The following FZR1 variants were observed in gnomAD, a reference collection of about 807,000 sequenced individuals.
FZR1 encodes fizzy and cell division cycle 20 related 1, also known as fizzy-related protein homolog.
A neutral mutation model predicts 63.6 loss-of-function variants in FZR1; 11 were observed. The ratio of observed to expected loss-of-function variants is 0.17; its 90% confidence interval spans 0.11 to 0.29. FZR1 has a LOEUF of 0.29. Ranked by LOEUF, FZR1 falls within the 10% of genes least tolerant of loss-of-function variation. FZR1 has a pLI of 1.00. For missense variants in FZR1, 440 were observed against 687.5 expected (o/e 0.64, Z 4.03); for synonymous variants, 328 against 297.9 (o/e 1.10, Z -1.04).
intron 1 of FZR1, among the ~76,000 whole-genome samples, chr19:3,518,867 A>G (rs868590204): frequency 2.4e-4 from 36 of 152,220 alleles, no homozygotes; most frequent in African/African-American, 7.2e-4. Flanking sequence ...CCCTGTCTCC[A>G]TAAAAAAAAG....
Position 3,526,834 on chromosome 19 carries a change from G to A in FZR1, c.388-146G>A, listed in dbSNP as rs2083163540. 10 of 635,602 alleles carry A rather than the reference G, an allele frequency of 1.6e-5. No homozygotes were observed. Among genetic ancestry groups the A allele is most frequent in the Non-Finnish European group, 2.5e-5 (9 of 358,244 alleles). 39.4% of individuals were successfully genotyped at this position (635,602 alleles called of 1,614,324 possible). ...GGGGTCCGCAGTCCCCGCCAGGAAGGCGCCTGCCTTTTTACAGCTGCTCCA... is the reference window on the plus strand; with the variant it reads ...GGGGTCCGCAGTCCCCGCCAGGAAGACGCCTGCCTTTTTACAGCTGCTCCA... On this transcript the variant is annotated intron_variant, in intron 5 of 13. Transcript: ENST00000441788. The surrounding 1 kb of genome is among the most constrained non-coding windows in gnomAD (Gnocchi z 5.4).
intron 1 of FZR1, among the ~76,000 whole-genome samples, chr19:3,519,884 C>T (rs1271935014): frequency 6.6e-6 from 1 of 152,170 alleles, no homozygotes; most frequent in Non-Finnish European, 1.5e-5. Flanking sequence ...GGGGGCCCCA[C>T]ACCCACAGCT....
chr19:3,527,288 T>G (rs1406942159), intron 6 of FZR1, among the ~76,000 whole-genome samples: 2 of 152,018 alleles, frequency 1.3e-5, no homozygotes, highest in Non-Finnish European at 2.9e-5. Context: ...GTAATAGAAG[T>G]GTAGTCCAGG....
rs1383890088 is a variant in FZR1, at chr19:3,526,921, G to T, written c.388-59G>T. The T allele has an allele frequency of 4.2e-6, 5 of 1,181,474 alleles. No individual in the cohort carries two copies. Among genetic ancestry groups the T allele is most frequent in the African/African-American group, 1.5e-5 (1 of 66,828 alleles). 73.2% of individuals were successfully genotyped at this position (1,181,474 alleles called of 1,614,324 possible). ...GTACCGGGAGCGTGGGCTGCTGGGG[G>T]GCTCTGAGGGTCCTGCGGCCTGGGC... On this transcript the variant is annotated intron_variant, in intron 5 of 13. Transcript: ENST00000441788. This position sits in a 1 kb window ranked among gnomAD's most constrained non-coding sequence, Gnocchi z 5.4.
At position 3,513,980 on chromosome 19, in the gene FZR1, GA is replaced by G. The variant is rs1374445523; in HGVS notation, c.-35+7507del. Reference sequence around the variant, plus strand: ...CTGAAAAAAATATGAAAACAGTGGGGACCAGTTTTCCCAGCCAAGCAAGGCG... The same window carrying G: ...CTGAAAAAAATATGAAAACAGTGGGGCCAGTTTTCCCAGCCAAGCAAGGCG... On this transcript the variant is annotated intron_variant, in intron 1 of 13. Transcript: ENST00000441788. 2.0e-5 allele frequency among the ~76,000 whole-genome samples: 3 copies of G among 152,298 alleles called. No homozygotes were observed. In the East Asian group the frequency reaches 5.8e-4, roughly 29 times the overall value.
intron 13 of FZR1, 86 bp from the exon 14 acceptor site, chr19:3,534,709 C>A: frequency 1.6e-6 from 2 of 1,270,974 alleles, no homozygotes; most frequent in Non-Finnish European, 2.3e-6. Context: ...CCCTCAGGAC[C>A]AAGCCCCAAA....
rs750269061 is a variant in FZR1, at chr19:3,534,888, A to C, written c.*52A>C. 12 of 1,417,860 alleles carry C rather than the reference A, an allele frequency of 8.5e-6. No homozygotes were observed. In the South Asian group the frequency reaches 1.4e-4, roughly 16 times the overall value. 87.8% of individuals were successfully genotyped at this position (1,417,860 alleles called of 1,614,324 possible). On this transcript the variant is annotated 3_prime_UTR_variant, in exon 14 of 14. Coordinates refer to ENST00000441788, the MANE Select transcript of FZR1 (RefSeq NM_016263.4). ...CAGCTGTCCAGAGTCGGAGGACCCC[A>C]GCTCCTCAGCTTGCATGGACTCTGC...
chr19:3,532,556 G>A lies in FZR1; in HGVS notation c.1148G>A (p.Arg383His), dbSNP rs1241668087. ...SGGGTADRCI[R>H]FWNTLTGQPL... Reference sequence around the variant, plus strand: ...GGCGGCACAGCTGACCGCTGTATCCGCTTCTGGAACACGCTGACAGGACAA... The same window carrying A: ...GGCGGCACAGCTGACCGCTGTATCCACTTCTGGAACACGCTGACAGGACAA... The change falls in exon 11 of 14, where the codon CGC (arginine) becomes CAC (histidine). Residue 383 changes from arginine (R) to histidine (H), a missense_variant. This residue lies in a region of FZR1 where 208 missense variants were observed against 363.6 expected (regional missense o/e 0.57). Coordinates refer to ENST00000441788, the MANE Select transcript of FZR1 (RefSeq NM_016263.4). 2.5e-6 allele frequency: 4 copies of A among 1,612,654 alleles called. No individual in the cohort carries two copies. The highest frequency in any genetic ancestry group is 1.1e-5 in the South Asian group (1 of 91,078).
At chr19:3,530,114 G>GGATGGGTGAGCA (rs2083225572) in intron 7 of FZR1, among the ~76,000 whole-genome samples, 1 of 131,122 alleles carries the variant, frequency 7.6e-6, no homozygotes. Context: ...TTGAGGGAGC[G>GGATGGGTGAGCA]GATGGGTGAG....
chr19:3,528,624 T>TGAGTGGATGGGA (rs570668761), intron 7 of FZR1, among the ~76,000 whole-genome samples: 2,412 of 150,298 alleles, frequency 0.016, 52 homozygotes, highest in Non-Finnish European at 0.027. Flanking sequence ...AGAGAGTGAA[T>TGAGTGGATGGGA]GAGTGGATGG....
chr19:3,521,946 T>G (rs1325446609), intron 1 of FZR1, among the ~76,000 whole-genome samples: 1 of 148,212 alleles, frequency 6.7e-6, no homozygotes, highest in Admixed American at 6.8e-5. Context: ...AGCCTCAAAC[T>G]CCCAGCCTCA....
intron 6 of FZR1, 53 bp downstream of exon 6, chr19:3,527,115 G>C: frequency 7.3e-7 from 1 of 1,368,648 alleles, no homozygotes. Flanking sequence ...CCCGTCAGCA[G>C]CAAGAGGTGG....
chr19:3,512,634 G>A (rs1045121664), intron 1 of FZR1, among the ~76,000 whole-genome samples: 1 of 152,202 alleles, frequency 6.6e-6, no homozygotes. Context: ...CCCTGGAGCT[G>A]CAGGGCTGAG....
Position 3,533,455 on chromosome 19 carries a change from C to A in FZR1, c.1347+57C>A. The A allele has an allele frequency of 1.9e-6, 2 of 1,036,754 alleles. No individual in the cohort carries two copies. Among genetic ancestry groups the A allele is most frequent in the Non-Finnish European group, 3.0e-6 (2 of 659,886 alleles). The allele number at this position is 1,036,754 out of a possible 1,614,324, so 64.2% of individuals were successfully genotyped here. ...CGGGATTCTGGACAAACTGCCATGGCCACCCCAGAGCACCCTGTCCTGTGT... is the reference window on the plus strand; with the variant it reads ...CGGGATTCTGGACAAACTGCCATGGACACCCCAGAGCACCCTGTCCTGTGT... On this transcript the variant is annotated intron_variant, in intron 12 of 13. Coordinates refer to ENST00000441788, the MANE Select transcript of FZR1 (RefSeq NM_016263.4). This position sits in a 1 kb window ranked among gnomAD's most constrained non-coding sequence, Gnocchi z 4.9.
chr19:3,522,964 T>C lies in FZR1; in HGVS notation c.-26T>C, dbSNP rs2083116871. ...TGCCCTTCCCGCTGCAGGCTAACCT[T>C]GCCGCGGGCCGAGCCCTGCCTCGCC... is the stretch of plus-strand genomic sequence containing the variant. On this transcript the variant is annotated 5_prime_UTR_variant, in exon 2 of 14. Transcript: ENST00000441788. The C allele has an allele frequency of 6.3e-7, 1 of 1,581,694 alleles. No individual in the cohort carries two copies. The highest frequency in any genetic ancestry group is 1.3e-5 in the African/African-American group (1 of 74,362).
chr19:3,534,953 G>A lies in FZR1; in HGVS notation c.*117G>A. On this transcript the variant is annotated 3_prime_UTR_variant, in exon 14 of 14. Transcript: ENST00000441788. ...TCCCCCGAGGAAGGCGGCTGGGCGGGCGGGGAGCTGGGCCTGGAGGATCCT... is the reference window on the plus strand; with the variant it reads ...TCCCCCGAGGAAGGCGGCTGGGCGGACGGGGAGCTGGGCCTGGAGGATCCT... The A allele has an allele frequency of 1.2e-6, 1 of 822,870 alleles. No individual in the cohort carries two copies. Among genetic ancestry groups the A allele is most frequent in the African/African-American group, 1.7e-5 (1 of 60,062 alleles). The allele number at this position is 822,870 out of a possible 1,614,324, so 51.0% of individuals were successfully genotyped here. A position where few individuals can be genotyped will look rare whatever the true frequency, so the allele number is the denominator to read the frequency against.
chr19:3,531,888 C>G (rs1370768403), intron 9 of FZR1, 23 bp from the exon 10 acceptor site: 6 of 1,579,764 alleles, frequency 3.8e-6, no homozygotes, highest in Non-Finnish European at 5.1e-6. Flanking sequence ...AGAGGCTCAC[C>G]CCCGCTTCCA....
intron 1 of FZR1, among the ~76,000 whole-genome samples, chr19:3,522,019 A>G (rs957587622): frequency 5.3e-5 from 8 of 152,178 alleles, no homozygotes; most frequent in Middle Eastern, 3.4e-3. Flanking sequence ...ACCACACTTG[A>G]GCCCAGGAGG....
chr19:3,506,324 C>G lies in FZR1; in HGVS notation c.-185C>G, dbSNP rs1488083437. ...GAGCCGGGAGGCAGCGGAGGAGCGA[C>G]CGCCGCCATATTAGGGACCGCGGAG... On this transcript the variant is annotated 5_prime_UTR_variant, in exon 1 of 14. Transcript: ENST00000441788. 3.3e-5 allele frequency: 5 copies of G among 150,874 alleles called. No homozygotes were observed. The South Asian group carries it at 1.0e-3, about 31-fold the overall frequency. 9.3% of individuals were successfully genotyped at this position (150,874 alleles called of 1,614,324 possible).
Sources: gnomAD v4.1 joint callset for allele counts (sites outside exome capture counted in the v4.1 genomes callset) on GRCh38, gnomAD v4.1.1 for gene constraint, gnomAD v4.1.1 regional missense constraint, Gnocchi (gnomAD v3.1) non-coding constraint, MANE v1.5 for transcripts, NCBI Gene and HGNC (gene_info 2026-07-23, HGNC 2026-07-21) for gene names.